Variants in TMEM132B observed in about 807,000 individuals in gnomAD.
The protein encoded by TMEM132B is transmembrane protein 132B.
In TMEM132B, 18 loss-of-function variants were observed where a neutral mutation model predicts 90.8. The observed-to-expected ratio is 0.20, with a 90% CI of 0.14 to 0.29. The LOEUF (loss-of-function observed/expected upper bound fraction) is 0.29, where lower values mean the gene tolerates loss of function less well. Ranked by LOEUF, TMEM132B falls within the 10% of genes least tolerant of loss-of-function variation. TMEM132B has a pLI of 1.00. For missense variants in TMEM132B, 1,096 were observed against 1,326.8 expected (o/e 0.83, Z 2.70); for synonymous variants, 504 against 523.3 (o/e 0.96, Z 0.50).
intron 3 of TMEM132B, among the ~76,000 whole-genome samples, chr12:125,431,506 C>T (rs571116758): frequency 1.2e-4 from 18 of 152,224 alleles, no homozygotes; most frequent in East Asian, 9.7e-4. Context: ...ACCGAGAAAT[C>T]GTACTGAGCG....
chr12:125,611,794 A>C (rs1885833856), intron 5 of TMEM132B, among the ~76,000 whole-genome samples: 1 of 152,148 alleles, frequency 6.6e-6, no homozygotes, highest in Non-Finnish European at 1.5e-5. Flanking sequence ...TAACTTATTT[A>C]AATTAACTGT....
At chr12:125,390,015 C>T (rs1011890146) in intron 2 of TMEM132B, among the ~76,000 whole-genome samples, 1 of 152,182 alleles carries the variant, frequency 6.6e-6, no homozygotes, top group African/African-American at 2.4e-5. Context: ...GTGACCAGCA[C>T]CTCATAAGCT....
rs936067048 is a variant in TMEM132B at position 125,458,278 on chromosome 12, C to T, written c.1106+42601C>T. Among the ~76,000 whole-genome samples, 1 of 151,958 alleles carries T rather than the reference C, an allele frequency of 6.6e-6. No individual in the cohort carries two copies. Among genetic ancestry groups the T allele is most frequent in the African/African-American group, 2.4e-5 (1 of 41,354 alleles). ...CTGGGACACAAGTCCTAGTCATGTG[C>T]GTTTATTATAAAGTGCAGCTCAGGA... On this transcript the variant is annotated intron_variant, in intron 3 of 8. Transcript: ENST00000682704. The surrounding 1 kb of genome is among the most constrained non-coding windows in gnomAD (Gnocchi z 4.9).
At chr12:125,397,010 T>C (rs540028683) in intron 2 of TMEM132B, among the ~76,000 whole-genome samples, 43 of 150,752 alleles carry the variant, frequency 2.9e-4, no homozygotes, top group Non-Finnish European at 5.0e-4. Context: ...CTTGATCTGT[T>C]GCCCAGGCTG....
chr12:125,234,782 A>G (rs1873896548), intron 1 of TMEM132B, among the ~76,000 whole-genome samples: 1 of 152,136 alleles, frequency 6.6e-6, no homozygotes, highest in African/African-American at 2.4e-5. Context: ...CTCCAGATGG[A>G]CTTCTCTGCT....
rs1352131083 is a variant in TMEM132B at position 125,657,152 on chromosome 12, A to T, written c.*2442A>T. ...CTGGAAACTGGCCACAGTCCTGAAG[A>T]TGCTTCTTGTGACAACTTAGAGTCA... On this transcript the variant is annotated 3_prime_UTR_variant, in exon 9 of 9. Coordinates refer to ENST00000682704, the MANE Select transcript of TMEM132B (RefSeq NM_001366854.1). 1 of 152,208 alleles carries T rather than the reference A, an allele frequency of 6.6e-6. No individual in the cohort carries two copies. 9.4% of individuals were successfully genotyped at this position (152,208 alleles called of 1,614,324 possible).
chr12:125,205,206 C>A (rs1239679962), intron 1 of TMEM132B, among the ~76,000 whole-genome samples: 1 of 151,916 alleles, frequency 6.6e-6, no homozygotes, highest in African/African-American at 2.4e-5. Context: ...TGTGGAGTAT[C>A]TCATGAGTCC....
intron 1 of TMEM132B, among the ~76,000 whole-genome samples, chr12:125,229,914 C>T (rs1464145231): frequency 6.6e-6 from 1 of 152,222 alleles, no homozygotes; most frequent in African/African-American, 2.4e-5. Flanking sequence ...AAAGGGTCTC[C>T]CTAAGGGCAT....
At chr12:125,633,502 G>C (rs1886412973) in intron 5 of TMEM132B, among the ~76,000 whole-genome samples, 1 of 152,166 alleles carries the variant, frequency 6.6e-6, no homozygotes, top group South Asian at 2.1e-4. Context: ...AATGTGTCTG[G>C]GCATTGAAGA....
intron 2 of TMEM132B, among the ~76,000 whole-genome samples, chr12:125,379,020 T>C (rs1313862124): frequency 6.6e-6 from 1 of 152,172 alleles, no homozygotes; most frequent in Non-Finnish European, 1.5e-5. Flanking sequence ...CTGCCTTGCC[T>C]GTCTTGGGAA....
intron 1 of TMEM132B, among the ~76,000 whole-genome samples, chr12:125,342,795 T>C (rs939715689): frequency 1.3e-5 from 2 of 152,166 alleles, no homozygotes; most frequent in Non-Finnish European, 1.5e-5. Context: ...AAAAGGCAAG[T>C]GTCACTCCTG....
At chr12:125,201,758 T>G (rs1279691543) in intron 1 of TMEM132B, among the ~76,000 whole-genome samples, 2 of 152,234 alleles carry the variant, frequency 1.3e-5, no homozygotes, top group African/African-American at 4.8e-5. Context: ...GGAGATATTG[T>G]GTAAGAAAAA....
chr12:125,322,801 C>T (rs773683163), intron 1 of TMEM132B, among the ~76,000 whole-genome samples: 1 of 152,114 alleles, frequency 6.6e-6, no homozygotes, highest in African/African-American at 2.4e-5. Context: ...TTTGCACAGG[C>T]AGTCAACATG....
At chr12:125,194,268 T>G (rs1474392178) in intron 1 of TMEM132B, among the ~76,000 whole-genome samples, 5 of 149,510 alleles carry the variant, frequency 3.3e-5, no homozygotes, top group East Asian at 2.0e-4. Context: ...ATTAACCCGT[T>G]GGTGGGGGGG....
Position 125,350,072 on chromosome 12 carries a change from G to C in TMEM132B, c.688G>C (p.Asp230His). The change falls in exon 2 of 9, where the codon GAC (aspartate) becomes CAC (histidine). Residue 230 changes from aspartate (D) to histidine (H), a missense_variant. By Grantham distance (81) the Asp-to-His change is moderately conservative (BLOSUM62 -1). Transcript: ENST00000682704. ...GCTCTTCTTCACGCTCTACCCAGCTGACAAGGCTGGCCAGTGTCCTCTGGA... is the reference window on the plus strand; with the variant it reads ...GCTCTTCTTCACGCTCTACCCAGCTCACAAGGCTGGCCAGTGTCCTCTGGA... ...MELFFTLYPADKAGQCPLEEE... is the reference protein window; with the variant it reads ...MELFFTLYPAHKAGQCPLEEE... The C allele has an allele frequency of 6.2e-7, 1 of 1,614,228 alleles. No homozygotes were observed. The highest frequency in any genetic ancestry group is 8.5e-7 in the Non-Finnish European group (1 of 1,180,036).
intron 1 of TMEM132B, among the ~76,000 whole-genome samples, chr12:125,211,494 C>CAGCT (rs1873316429): frequency 6.6e-6 from 1 of 152,184 alleles, no homozygotes; most frequent in Non-Finnish European, 1.5e-5. Context: ...CCGAGCAGAC[C>CAGCT]AGCTGTCTGC....
intron 5 of TMEM132B, among the ~76,000 whole-genome samples, chr12:125,629,504 A>C (rs2136991199): frequency 6.6e-6 from 1 of 152,218 alleles, no homozygotes; most frequent in African/African-American, 2.4e-5. Flanking sequence ...CTGCAATGTT[A>C]CTGGATTTGT....
intron 4 of TMEM132B, among the ~76,000 whole-genome samples, chr12:125,570,615 C>T (rs1884767556): frequency 6.6e-6 from 1 of 152,110 alleles, no homozygotes; most frequent in Non-Finnish European, 1.5e-5. Context: ...CACTTTCTGC[C>T]TCGTAGATAA....
rs1043830691 is a variant in TMEM132B at position 125,492,171 on chromosome 12, C to T, written c.1107-27268C>T. ...CCTGCTGCCCGCCCCCACCGCTCCT[C>T]ACCTTGCAGAAATGGGGTACTGGGG... is the stretch of plus-strand genomic sequence containing the variant. On this transcript the variant is annotated intron_variant, in intron 3 of 8. Transcript: ENST00000682704. This position sits in a 1 kb window ranked among gnomAD's most constrained non-coding sequence, Gnocchi z 5.8. Among the ~76,000 whole-genome samples the T allele has an allele frequency of 1.3e-5, 2 of 152,166 alleles. No individual in the cohort carries two copies. Among genetic ancestry groups the T allele is most frequent in the African/African-American group, 4.8e-5 (2 of 41,436 alleles).
Sources: gnomAD v4.1 joint callset for allele counts (sites outside exome capture counted in the v4.1 genomes callset) on GRCh38, gnomAD v4.1.1 for gene constraint, Gnocchi (gnomAD v3.1) non-coding constraint, MANE v1.5 for transcripts, NCBI Gene and HGNC (gene_info 2026-07-23, HGNC 2026-07-21) for gene names.